The following CLOCK variants were observed in gnomAD, a reference collection of about 807,000 sequenced individuals.
The protein encoded by CLOCK is clock circadian regulator, also known as circadian locomoter output cycles protein kaput.
A neutral mutation model predicts 118.4 loss-of-function variants in CLOCK; 43 were observed. That is an observed-to-expected ratio of 0.36 (90% CI 0.28 to 0.47). The LOEUF (loss-of-function observed/expected upper bound fraction) is 0.47, where lower values mean the gene tolerates loss of function less well. Ranked by LOEUF, CLOCK falls within the 20% of genes least tolerant of loss-of-function variation. The pLI is 1.00. For synonymous variants in CLOCK, 326 were observed against 339.2 expected, an observed-to-expected ratio of 0.96 and a Z score of 0.43; for missense variants, 846 against 999.9, an observed-to-expected ratio of 0.85 and a Z score of 2.08.
Position 55,429,943 on chromosome 4 carries a change from G to T in CLOCK, c.*5472C>A, listed in dbSNP as rs1417920472. 6.6e-6 allele frequency: 1 copy of T among 152,146 alleles called. No homozygotes were observed. Among genetic ancestry groups the T allele is most frequent in the African/African-American group, 2.4e-5 (1 of 41,428 alleles). 9.4% of individuals were successfully genotyped at this position (152,146 alleles called of 1,614,324 possible). A position where few individuals can be genotyped will look rare whatever the true frequency, so the allele number is the denominator to read the frequency against. On this transcript the variant is annotated 3_prime_UTR_variant, in exon 23 of 23. Coordinates refer to ENST00000513440, the MANE Select transcript of CLOCK (RefSeq NM_004898.4). Reference sequence around the variant, plus strand: ...TCCGTAAAGATTATCATGAGAGTTGGTGACTGCACCCCAAATCAGAGCCAG... The same window carrying T: ...TCCGTAAAGATTATCATGAGAGTTGTTGACTGCACCCCAAATCAGAGCCAG...
Position 55,449,414 on chromosome 4 carries a change from CCTT to C in CLOCK, c.1428_1430del (p.Arg477del). On this transcript the variant is annotated inframe_deletion, in exon 17 of 23. Coordinates refer to ENST00000513440, the MANE Select transcript of CLOCK (RefSeq NM_004898.4). ...AGCTTACCTGACTACTAAATGATGA[CCTT>C]CTTTGCACCATCTTCTCATGAGCTG... The C allele has an allele frequency of 1.2e-6, 2 of 1,613,834 alleles. No homozygotes were observed. Among genetic ancestry groups the C allele is most frequent in the Non-Finnish European group, 1.7e-6 (2 of 1,179,820 alleles).
At chr4:55,496,021 T>C (rs1161977822) in intron 2 of CLOCK, among the ~76,000 whole-genome samples, 2 of 152,012 alleles carry the variant, frequency 1.3e-5, no homozygotes, top group African/African-American at 4.8e-5. Context: ...AAACCCCGTC[T>C]CTACTAAAAA....
chr4:55,502,668 T>A (rs1728519430), intron 2 of CLOCK, among the ~76,000 whole-genome samples: 1 of 152,152 alleles, frequency 6.6e-6, no homozygotes, highest in African/African-American at 2.4e-5. Context: ...CATAAAAAAA[T>A]TTGATAAAAT....
intron 1 of CLOCK, among the ~76,000 whole-genome samples, chr4:55,517,911 AC>A (rs1729616075): frequency 6.6e-6 from 1 of 152,104 alleles, no homozygotes; most frequent in Non-Finnish European, 1.5e-5. Flanking sequence ...AAATGTTTTT[AC>A]CCTTTGGTAC....
intron 1 of CLOCK, among the ~76,000 whole-genome samples, chr4:55,527,911 G>A (rs547711569): frequency 6.6e-6 from 1 of 152,064 alleles, no homozygotes; most frequent in African/African-American, 2.4e-5. Context: ...TGGGCATAGT[G>A]GCACATGCCT....
At chr4:55,467,735 C>G (rs969002708) in intron 8 of CLOCK, among the ~76,000 whole-genome samples, 1 of 152,112 alleles carries the variant, frequency 6.6e-6, no homozygotes, top group Non-Finnish European at 1.5e-5. Flanking sequence ...GTCCAGAAAA[C>G]TCAGTTAATC....
chr4:55,435,708 T>C (rs1722825463), intron 22 of CLOCK, 114 bp from the exon 23 acceptor site: 3 of 1,034,502 alleles, frequency 2.9e-6, no homozygotes, highest in Non-Finnish European at 3.0e-6. Flanking sequence ...TTCTACATAA[T>C]GCATATCACT....
intron 1 of CLOCK, among the ~76,000 whole-genome samples, chr4:55,530,643 C>T (rs1730475439): frequency 6.6e-6 from 1 of 151,670 alleles, no homozygotes; most frequent in South Asian, 2.1e-4. Flanking sequence ...GGCATGGTGG[C>T]AAACGCCTGT....
intron 22 of CLOCK, among the ~76,000 whole-genome samples, chr4:55,435,909 T>C (rs953729720): frequency 6.6e-6 from 1 of 152,188 alleles, no homozygotes; most frequent in African/African-American, 2.4e-5. Context: ...ATATTTTAAA[T>C]TACAAAATTT....
intron 2 of CLOCK, among the ~76,000 whole-genome samples, chr4:55,493,258 A>T (rs913034750): frequency 1.3e-5 from 2 of 152,200 alleles, no homozygotes; most frequent in Admixed American, 1.3e-4. Context: ...ATTATTAATT[A>T]AAAATGGCTA....
intron 21 of CLOCK, among the ~76,000 whole-genome samples, chr4:55,440,261 T>A (rs966146987): frequency 3.9e-5 from 6 of 152,216 alleles, no homozygotes; most frequent in African/African-American, 1.4e-4. Flanking sequence ...CTCCTCTCAA[T>A]TTATAAATTC....
intron 17 of CLOCK, 95 bp from the exon 18 acceptor site, chr4:55,448,963 C>T (rs1241929673): frequency 4.0e-6 from 4 of 999,970 alleles, no homozygotes; most frequent in Non-Finnish European, 6.2e-6. Flanking sequence ...TATTAATAAA[C>T]TTACCATTTG....
In CLOCK at chr4:55,428,970, CAT is replaced by C. The variant is rs1722352294; in HGVS notation, c.*6443_*6444del. ...TGAATGGTAACTGTTCTGGCTGACA[CAT>C]CTTTTTTTTTTTTTTTTTTTTTAAA... is the stretch of plus-strand genomic sequence containing the variant. On this transcript the variant is annotated 3_prime_UTR_variant, in exon 23 of 23. Coordinates refer to ENST00000513440, the MANE Select transcript of CLOCK (RefSeq NM_004898.4). The C allele has an allele frequency of 7.1e-5, 9 of 127,192 alleles. 1 individual carries two copies. The South Asian group carries it at 2.8e-3, about 39-fold the overall frequency. 7.9% of individuals were successfully genotyped at this position (127,192 alleles called of 1,614,324 possible). A position where few individuals can be genotyped will look rare whatever the true frequency, so the allele number is the denominator to read the frequency against.
intron 2 of CLOCK, among the ~76,000 whole-genome samples, chr4:55,495,758 C>T (rs1406357784): frequency 6.6e-6 from 1 of 152,064 alleles, no homozygotes; most frequent in Non-Finnish European, 1.5e-5. Flanking sequence ...CTAGTGTTAC[C>T]CCAGAATTCA....
intron 2 of CLOCK, among the ~76,000 whole-genome samples, chr4:55,507,017 C>T (rs1728847567): frequency 6.6e-6 from 1 of 152,010 alleles, no homozygotes; most frequent in Non-Finnish European, 1.5e-5. Flanking sequence ...TTGGTATCTG[C>T]AGAAAATGGA....
chr4:55,457,429 C>T (rs1724995273), intron 11 of CLOCK, among the ~76,000 whole-genome samples: 2 of 152,228 alleles, frequency 1.3e-5, no homozygotes, highest in Middle Eastern at 3.4e-3. Context: ...AGACCCCTGC[C>T]ATCACTGATT....
chr4:55,442,451 T>C lies in CLOCK; in HGVS notation c.2086A>G (p.Thr696Ala), dbSNP rs750736133. The change falls in exon 21 of 23, where the codon ACT becomes GCT. Residue 696 changes from threonine to alanine, a missense_variant. Transcript: ENST00000513440. Reference sequence around the variant, plus strand: ...AACTACCTTATCTGCCTGTCCTGAGTGAATGTAGTTACTGCAGCACTCTGG... The same window carrying C: ...AACTACCTTATCTGCCTGTCCTGAGCGAATGTAGTTACTGCAGCACTCTGG... ...STQSAAVTTF[T>A]QDRQIRFSQG... 3 of 1,608,588 alleles carry C rather than the reference T, an allele frequency of 1.9e-6. No individual in the cohort carries two copies. The highest frequency in any genetic ancestry group is 4.5e-5 in the East Asian group (2 of 44,698).
At chr4:55,446,568 G>A (rs1361570579) in intron 18 of CLOCK, among the ~76,000 whole-genome samples, 1 of 151,990 alleles carries the variant, frequency 6.6e-6, no homozygotes, top group Non-Finnish European at 1.5e-5. Flanking sequence ...ATAGAACATG[G>A]GCTTTTAAAG....
At position 55,457,019 on chromosome 4, in the gene CLOCK, A is replaced by G. The variant is rs143646550; in HGVS notation, c.793-719T>C. Reference sequence around the variant, plus strand: ...ATATATTTTAATTTTCCAGTACTAAAGAATGTGGTAATAAATAACCTTTAG... The same window carrying G: ...ATATATTTTAATTTTCCAGTACTAAGGAATGTGGTAATAAATAACCTTTAG... On this transcript the variant is annotated intron_variant, in intron 11 of 22. Transcript: ENST00000513440. Among the ~76,000 whole-genome samples the G allele has an allele frequency of 1.6e-4, 24 of 152,300 alleles. No individual in the cohort carries two copies. The East Asian group carries it at 4.6e-3, about 29-fold the overall frequency.
Sources: gnomAD v4.1 joint callset for allele counts (sites outside exome capture counted in the v4.1 genomes callset) on GRCh38, gnomAD v4.1.1 for gene constraint, MANE v1.5 for transcripts, NCBI Gene and HGNC (gene_info 2026-07-23, HGNC 2026-07-21) for gene names.